MCTP1: variants seen among roughly 807,000 people sequenced by gnomAD.
MCTP1 encodes multiple C2 and transmembrane domain-containing protein 1.
A neutral mutation model predicts 120.6 loss-of-function variants in MCTP1; 69 were observed. The observed-to-expected ratio is 0.57, with a 90% confidence interval of 0.47 to 0.70. The LOEUF (loss-of-function observed/expected upper bound fraction) is 0.70, where lower values mean the gene tolerates loss of function less well. Among genes scored for constraint, MCTP1 ranks in the 30% least tolerant of loss-of-function variants. MCTP1 has a pLI of 0.00. For missense variants in MCTP1, 1,203 were observed against 1,248.8 expected, an observed-to-expected ratio of 0.96 and a Z score of 0.55; for synonymous variants, 529 against 493.1, an observed-to-expected ratio of 1.07 and a Z score of -0.96.
intron 1 of MCTP1, among the ~76,000 whole-genome samples, chr5:95,185,907 T>C (rs2152523109): frequency 6.6e-6 from 1 of 152,118 alleles, no homozygotes; most frequent in African/African-American, 2.4e-5. Flanking sequence ...AAAGAATCGC[T>C]TGAACCCATG....
At chr5:95,141,329 T>C (rs1389071717) in intron 1 of MCTP1, among the ~76,000 whole-genome samples, 1 of 152,262 alleles carries the variant, frequency 6.6e-6, no homozygotes, top group Non-Finnish European at 1.5e-5. Context: ...GGGCGTATGC[T>C]GGTTACTCAA....
intron 1 of MCTP1, among the ~76,000 whole-genome samples, chr5:95,271,810 A>C (rs1007039819): frequency 2.0e-5 from 3 of 152,012 alleles, no homozygotes; most frequent in African/African-American, 7.2e-5. Flanking sequence ...AGATAGATAG[A>C]TAGATATAAA....
chr5:95,160,303 G>A (rs2152473184), intron 1 of MCTP1, among the ~76,000 whole-genome samples: 1 of 152,250 alleles, frequency 6.6e-6, no homozygotes, highest in Non-Finnish European at 1.5e-5. Flanking sequence ...AGATCTTCAG[G>A]GAGTAAAGTT....
At chr5:95,231,839 A>G (rs1754983687) in intron 1 of MCTP1, among the ~76,000 whole-genome samples, 2 of 152,218 alleles carry the variant, frequency 1.3e-5, no homozygotes, top group South Asian at 4.1e-4. Context: ...GGAAAATTGG[A>G]AGTATACTAT....
At chr5:95,242,951 T>A (rs952419835) in intron 1 of MCTP1, among the ~76,000 whole-genome samples, 2 of 152,166 alleles carry the variant, frequency 1.3e-5, no homozygotes, top group Admixed American at 6.5e-5. Context: ...GCCACCCCCA[T>A]AAAAAGTCAC....
At chr5:94,721,896 AAAAT>A (rs1470239390) in intron 19 of MCTP1, among the ~76,000 whole-genome samples, 2 of 151,166 alleles carry the variant, frequency 1.3e-5, no homozygotes, top group Non-Finnish European at 2.9e-5. Flanking sequence ...TGAAAAAAAA[AAAAT>A]ATCCACAACA....
intron 1 of MCTP1, among the ~76,000 whole-genome samples, chr5:95,230,558 C>T (rs1039290705): frequency 6.6e-6 from 1 of 152,140 alleles, no homozygotes; most frequent in African/African-American, 2.4e-5. Context: ...ATGGGACTCT[C>T]AGGCTCCCTG....
At chr5:94,868,176 T>C in intron 17 of MCTP1, 157 bp downstream of exon 17, 3 of 581,342 alleles carry the variant, frequency 5.2e-6, no homozygotes, top group Non-Finnish European at 7.9e-6. Flanking sequence ...GTACAATCCA[T>C]CAGGTTCCTG....
intron 1 of MCTP1, among the ~76,000 whole-genome samples, chr5:95,276,251 A>AC: frequency 1.2e-5 from 1 of 84,778 alleles, no homozygotes; most frequent in Middle Eastern, 0.01. Context: ...CAATATTGGG[A>AC]TTTTTTTTTT....
At chr5:95,112,391 TTTG>T in intron 1 of MCTP1, among the ~76,000 whole-genome samples, 1 of 152,192 alleles carries the variant, frequency 6.6e-6, no homozygotes, top group Non-Finnish European at 1.5e-5. Context: ...TGCAGTGACA[TTTG>T]AAAGCCAGAA....
At chr5:95,222,168 C>A (rs547171773) in intron 1 of MCTP1, among the ~76,000 whole-genome samples, 1 of 152,274 alleles carries the variant, frequency 6.6e-6, no homozygotes, top group African/African-American at 2.4e-5. Flanking sequence ...GTTGCTTTGC[C>A]ATCCTCAGCA....
At chr5:94,857,094 C>A (rs1327870755) in intron 17 of MCTP1, among the ~76,000 whole-genome samples, 2 of 151,666 alleles carry the variant, frequency 1.3e-5, no homozygotes, top group Non-Finnish European at 3.0e-5. Context: ...CCCATTCACC[C>A]TTTTATGATG....
chr5:95,184,564 A>G (rs932204261), intron 1 of MCTP1, among the ~76,000 whole-genome samples: 8 of 152,190 alleles, frequency 5.3e-5, no homozygotes, highest in Non-Finnish European at 8.8e-5. Flanking sequence ...TGGTTTAACT[A>G]TCAAACAAAA....
intron 1 of MCTP1, among the ~76,000 whole-genome samples, chr5:95,239,082 C>T (rs908024031): frequency 6.6e-6 from 1 of 152,164 alleles, no homozygotes. Flanking sequence ...AACTTGGTCT[C>T]ACATCTCACT....
intron 1 of MCTP1, among the ~76,000 whole-genome samples, chr5:95,112,446 G>A (rs1043989008): frequency 3.9e-5 from 6 of 152,158 alleles, no homozygotes; most frequent in African/African-American, 1.4e-4. Context: ...TCACACTGTA[G>A]CCTCAAATCT....
chr5:95,150,251 TA>T (rs1412050757), intron 1 of MCTP1, among the ~76,000 whole-genome samples: 3 of 152,248 alleles, frequency 2.0e-5, no homozygotes, highest in Non-Finnish European at 4.4e-5. Context: ...GGTGGAATGT[TA>T]TAAGCATCTT....
At chr5:94,903,888 A>G (rs946048192) in intron 10 of MCTP1, among the ~76,000 whole-genome samples, 2 of 152,186 alleles carry the variant, frequency 1.3e-5, no homozygotes, top group African/African-American at 4.8e-5. Context: ...CATAAAAACA[A>G]CTTGTTCCCT....
rs1383380135 is a variant in MCTP1 at position 94,954,158 on chromosome 5, GCATATATATACATA to G, written c.839-811_839-798del. On this transcript the variant is annotated intron_variant, in intron 2 of 22. Transcript: ENST00000515393. ...TATGCATATATATACATATATATATGCATATATATACATATATATATATGCATATATATATATAT... is the reference window on the plus strand; with the variant it reads ...TATGCATATATATACATATATATATGTATATATATGCATATATATATATAT... Among the ~76,000 whole-genome samples the G allele has an allele frequency of 2.7e-4, 20 of 73,920 alleles. 3 individuals are homozygous for G. The East Asian group carries it at 2.7e-3, about 10-fold the overall frequency. 48.5% of individuals were successfully genotyped at this position (73,920 alleles called of 152,430 possible).
intron 1 of MCTP1, among the ~76,000 whole-genome samples, chr5:95,060,449 C>A (rs549020086): frequency 7.9e-5 from 12 of 152,168 alleles, no homozygotes; most frequent in Non-Finnish European, 1.8e-4. Context: ...TGCATCCCAA[C>A]TTCTAGTAAA....
Sources: allele counts gnomAD v4.1 joint callset (sites outside exome capture counted in the v4.1 genomes callset), GRCh38; gene constraint gnomAD v4.1.1; transcripts MANE v1.5; gene names NCBI Gene and HGNC (gene_info 2026-07-23, HGNC 2026-07-21).